Variants in FRK observed in about 807,000 individuals in gnomAD.
FRK encodes the protein tyrosine-protein kinase FRK.
In FRK, 51 loss-of-function variants were observed where a neutral mutation model predicts 56.4. That is an observed-to-expected ratio of 0.90 (90% CI 0.72 to 1.14). The LOEUF (loss-of-function observed/expected upper bound fraction) is 1.14, where lower values mean the gene tolerates loss of function less well. Ranked by LOEUF, FRK falls within the 50% of genes most tolerant of loss-of-function variation. The pLI is 0.00. For missense variants in FRK, 570 were observed against 601.4 expected, an observed-to-expected ratio of 0.95 and a Z score of 0.55; for synonymous variants, 245 against 217.9, an observed-to-expected ratio of 1.12 and a Z score of -1.10.
intron 2 of FRK, among the ~76,000 whole-genome samples, chr6:115,969,986 A>G (rs1440995788): frequency 6.6e-6 from 1 of 152,210 alleles, no homozygotes; most frequent in Non-Finnish European, 1.5e-5. Flanking sequence ...AGCATTTATC[A>G]CCAGAATGCT....
intron 1 of FRK, among the ~76,000 whole-genome samples, chr6:116,014,603 T>C (rs199833206): frequency 6.6e-6 from 1 of 150,820 alleles, no homozygotes; most frequent in East Asian, 1.9e-4. Flanking sequence ...TGTTTACAGA[T>C]AATTCCATGT....
chr6:116,100,228 C>T, the FRK span, among the ~76,000 whole-genome samples: 2 of 152,158 alleles, frequency 1.3e-5, no homozygotes, highest in East Asian at 3.8e-4. Context: ...TAACAAGTAT[C>T]ATCTTGCAAA....
the FRK span, among the ~76,000 whole-genome samples, chr6:116,072,734 T>C: frequency 6.6e-6 from 1 of 152,228 alleles, no homozygotes; most frequent in Admixed American, 6.5e-5. Flanking sequence ...AAATAACCTT[T>C]GTTGTTTTAG....
At chr6:116,069,500 G>T in the FRK span, among the ~76,000 whole-genome samples, 25 of 152,190 alleles carry the variant, frequency 1.6e-4, no homozygotes, top group Middle Eastern at 3.4e-3. Context: ...GCCAGGCATG[G>T]TGGCTCACAC....
At chr6:116,025,042 T>G (rs1776036143) in intron 1 of FRK, among the ~76,000 whole-genome samples, 1 of 152,146 alleles carries the variant, frequency 6.6e-6, no homozygotes. Context: ...TTTCATGTGT[T>G]TTTTGGCTGC....
intron 1 of FRK, among the ~76,000 whole-genome samples, chr6:116,031,452 A>G (rs1776301509): frequency 6.6e-6 from 1 of 152,164 alleles, no homozygotes; most frequent in African/African-American, 2.4e-5. Flanking sequence ...GGAAAATCAC[A>G]TCTAGCTCTA....
the FRK span, among the ~76,000 whole-genome samples, chr6:116,096,467 T>C: frequency 1.3e-5 from 2 of 152,182 alleles, no homozygotes; most frequent in African/African-American, 4.8e-5. Flanking sequence ...ATCAGCACTC[T>C]GTGTCTAGCT....
At chr6:115,984,357 T>C (rs1286007219) in intron 2 of FRK, among the ~76,000 whole-genome samples, 1 of 152,062 alleles carries the variant, frequency 6.6e-6, no homozygotes, top group Admixed American at 6.6e-5. Context: ...ATGTCAAACA[T>C]GGTGCCAAGA....
At chr6:116,019,046 T>C (rs1432896448) in intron 1 of FRK, among the ~76,000 whole-genome samples, 1 of 152,192 alleles carries the variant, frequency 6.6e-6, no homozygotes, top group East Asian at 1.9e-4. Context: ...ATTCTTTGGA[T>C]GGCAAGGCAA....
intron 1 of FRK, among the ~76,000 whole-genome samples, chr6:116,042,452 T>A (rs763584866): frequency 6.6e-6 from 1 of 152,128 alleles, no homozygotes; most frequent in Non-Finnish European, 1.5e-5. Context: ...AAGAAAATAA[T>A]TTTCAACCCA....
chr6:116,069,449 CA>C, the FRK span, among the ~76,000 whole-genome samples: 4 of 151,906 alleles, frequency 2.6e-5, no homozygotes, highest in African/African-American at 9.7e-5. Context: ...TTATATTATT[CA>C]ATATTACTGT....
At chr6:115,997,511 C>T (rs887966949) in intron 2 of FRK, among the ~76,000 whole-genome samples, 5 of 151,980 alleles carry the variant, frequency 3.3e-5, no homozygotes, top group African/African-American at 1.2e-4. Flanking sequence ...GAGATTATTT[C>T]CCTTGGTTTC....
At chr6:116,057,988 G>T (rs1260771534) in intron 1 of FRK, among the ~76,000 whole-genome samples, 2 of 152,136 alleles carry the variant, frequency 1.3e-5, no homozygotes, top group African/African-American at 4.8e-5. Context: ...GAACATAAGA[G>T]CTCCTGTTCC....
intron 1 of FRK, among the ~76,000 whole-genome samples, chr6:116,033,789 C>G (rs1776378822): frequency 6.6e-6 from 1 of 152,078 alleles, no homozygotes; most frequent in Admixed American, 6.6e-5. Context: ...AATGGGGTCA[C>G]TCTGCCTGCT....
chr6:116,029,120 C>T (rs986603332), intron 1 of FRK, among the ~76,000 whole-genome samples: 1 of 152,128 alleles, frequency 6.6e-6, no homozygotes, highest in Non-Finnish European at 1.5e-5. Flanking sequence ...CTGGAACGCT[C>T]TTCACTAGAT....
chr6:115,940,323 T>C lies in FRK; in HGVS notation c.*2091A>G, dbSNP rs554587648. 1.3e-5 allele frequency: 2 copies of C among 152,176 alleles called. No homozygotes were observed. The highest frequency in any genetic ancestry group is 3.9e-4 in the East Asian group (2 of 5,180). The allele number at this position is 152,176 out of a possible 1,614,324, so 9.4% of individuals were successfully genotyped here. ...CCCCTTCCTTACACCTATACAAAAA[T>C]TAACTCAAGATGGATTAAAGACTTA... On this transcript the variant is annotated 3_prime_UTR_variant, in exon 8 of 8. Coordinates refer to ENST00000606080, the MANE Select transcript of FRK (RefSeq NM_002031.3).
chr6:116,032,258 AC>A (rs894345416), intron 1 of FRK, among the ~76,000 whole-genome samples: 36 of 152,116 alleles, frequency 2.4e-4, no homozygotes, highest in African/African-American at 7.2e-4. Context: ...TAGCAAAAAA[AC>A]ATAATAAAAG....
intron 2 of FRK, among the ~76,000 whole-genome samples, chr6:115,989,736 GCAAATAAACATA>G (rs1193688142): frequency 6.6e-6 from 1 of 151,814 alleles, no homozygotes; most frequent in African/African-American, 2.4e-5. Context: ...GCATACTGCT[GCAAATAAACATA>G]CAGGTGCAGG....
chr6:115,962,380 A>G (rs1773411122), intron 4 of FRK, among the ~76,000 whole-genome samples: 1 of 150,242 alleles, frequency 6.7e-6, no homozygotes, highest in South Asian at 2.2e-4. Flanking sequence ...ATACAGGAGC[A>G]CCCAGATTCA....
Sources: allele counts gnomAD v4.1 joint callset (sites outside exome capture counted in the v4.1 genomes callset), GRCh38; gene constraint gnomAD v4.1.1; transcripts MANE v1.5; gene names NCBI Gene and HGNC (gene_info 2026-07-23, HGNC 2026-07-21).